CDK19: variants seen among roughly 807,000 people sequenced by gnomAD.
CDK19 encodes cyclin dependent kinase 19.
Under a neutral mutation model 68.3 loss-of-function variants are expected in CDK19, and 20 were observed. The ratio of observed to expected loss-of-function variants is 0.29; its 90% CI spans 0.21 to 0.43. CDK19 has a LOEUF of 0.43. CDK19 is among the 20% of genes least tolerant of loss of function. The pLI, the probability that CDK19 is intolerant of heterozygous loss-of-function variation, is 1.00. For missense variants in CDK19, 339 were observed against 623.5 expected (o/e 0.54, Z 4.86); for synonymous variants, 221 against 222.8 (o/e 0.99, Z 0.07).
At chr6:110,767,521 A>ATTTTTTG (rs1447188014) in intron 1 of CDK19, among the ~76,000 whole-genome samples, 1 of 145,710 alleles carries the variant, frequency 6.9e-6, no homozygotes, top group Non-Finnish European at 1.5e-5. Flanking sequence ...TGCCTGGCTA[A>ATTTTTTG]TTTTTTGTAT....
rs374879564 is a variant in CDK19 at position 110,783,936 on chromosome 6, G to A, written c.128+31073C>T. Reference sequence around the variant, plus strand: ...GCATTTTGGGAGGCCGAAGCAGGTGGATCACCTGAGGTCAGGAGTTCGAGA... The same window carrying A: ...GCATTTTGGGAGGCCGAAGCAGGTGAATCACCTGAGGTCAGGAGTTCGAGA... On this transcript the variant is annotated intron_variant, in intron 1 of 12. Coordinates refer to ENST00000368911, the MANE Select transcript of CDK19 (RefSeq NM_015076.5). 3.3e-5 allele frequency among the ~76,000 whole-genome samples: 5 copies of A among 152,026 alleles called. No individual in the cohort carries two copies. In the East Asian group the frequency reaches 7.7e-4, roughly 24 times the overall value.
At chr6:110,777,678 G>A (rs1780505629) in intron 1 of CDK19, among the ~76,000 whole-genome samples, 1 of 152,140 alleles carries the variant, frequency 6.6e-6, no homozygotes, top group South Asian at 2.1e-4. Flanking sequence ...GGGACTCAAG[G>A]AGATACTTCT....
At chr6:110,647,306 C>T (rs765362783) in intron 4 of CDK19, among the ~76,000 whole-genome samples, 7 of 147,310 alleles carry the variant, frequency 4.8e-5, no homozygotes, top group Non-Finnish European at 7.4e-5. Flanking sequence ...AACAGAAAGC[C>T]ATGATGTGTT....
chr6:110,662,943 T>C (rs1229705648), intron 4 of CDK19, among the ~76,000 whole-genome samples: 1 of 152,174 alleles, frequency 6.6e-6, no homozygotes, highest in East Asian at 1.9e-4. Context: ...TATTTCTGTA[T>C]TAAATTCTAG....
At chr6:110,806,255 G>A (rs568732686) in intron 1 of CDK19, among the ~76,000 whole-genome samples, 1 of 149,260 alleles carries the variant, frequency 6.7e-6, no homozygotes, top group Admixed American at 6.7e-5. Flanking sequence ...CAGGAGAATC[G>A]CTTAAACCCG....
chr6:110,688,984 A>C (rs1041701233), intron 2 of CDK19, among the ~76,000 whole-genome samples: 7 of 152,106 alleles, frequency 4.6e-5, no homozygotes, highest in Non-Finnish European at 7.4e-5. Context: ...GGCAGTTGCT[A>C]TCTCCAGGTA....
intron 2 of CDK19, among the ~76,000 whole-genome samples, chr6:110,672,989 C>T (rs1346880313): frequency 6.6e-6 from 1 of 151,762 alleles, no homozygotes; most frequent in Non-Finnish European, 1.5e-5. Context: ...TACTTAATCC[C>T]ACTACTTATA....
At chr6:110,772,917 A>G (rs2115000236) in intron 1 of CDK19, among the ~76,000 whole-genome samples, 1 of 151,318 alleles carries the variant, frequency 6.6e-6, no homozygotes, top group Middle Eastern at 3.4e-3. Flanking sequence ...AGAGAGACTC[A>G]TTAAGAAGGT....
intron 1 of CDK19, among the ~76,000 whole-genome samples, chr6:110,788,901 G>GATTA (rs1168723830): frequency 6.6e-6 from 1 of 152,122 alleles, no homozygotes; most frequent in African/African-American, 2.4e-5. Context: ...CTTCTGGCAT[G>GATTA]ATTAGTGGCA....
chr6:110,759,404 TAAAAAAAAAA>T (rs1157889434), intron 1 of CDK19, among the ~76,000 whole-genome samples: 1 of 57,216 alleles, frequency 1.7e-5, no homozygotes, highest in African/African-American at 7.6e-5. Flanking sequence ...GACTCCGTCT[TAAAAAAAAAA>T]AAAAAAAAAA....
intron 2 of CDK19, among the ~76,000 whole-genome samples, chr6:110,676,607 G>C (rs1771560876): frequency 6.6e-6 from 1 of 152,288 alleles, no homozygotes; most frequent in South Asian, 2.1e-4. Flanking sequence ...TCAGTTAGCA[G>C]CCATCAATAC....
chr6:110,800,481 A>G, intron 1 of CDK19, among the ~76,000 whole-genome samples: 1 of 152,192 alleles, frequency 6.6e-6, no homozygotes, highest in South Asian at 2.1e-4. Context: ...TGATACTAAA[A>G]TCTGGCAAAG....
chr6:110,685,012 C>T (rs572086595), intron 2 of CDK19, among the ~76,000 whole-genome samples: 2 of 152,248 alleles, frequency 1.3e-5, no homozygotes, highest in South Asian at 2.1e-4. Context: ...GTGGCTTGTG[C>T]CTGTAGTCCC....
chr6:110,692,863 G>A (rs953140297), intron 2 of CDK19, among the ~76,000 whole-genome samples: 2 of 152,124 alleles, frequency 1.3e-5, no homozygotes, highest in African/African-American at 2.4e-5. Context: ...CAGACATGTT[G>A]GTGGGCACCT....
chr6:110,726,631 C>CA (rs1297019577), intron 2 of CDK19, among the ~76,000 whole-genome samples: 3 of 151,990 alleles, frequency 2.0e-5, no homozygotes, highest in African/African-American at 7.2e-5. Flanking sequence ...TATCTGTTAA[C>CA]AAAAAAACTA....
chr6:110,620,925 T>C (rs894477565), intron 12 of CDK19, among the ~76,000 whole-genome samples, 179 bp downstream of exon 12: 10 of 152,208 alleles, frequency 6.6e-5, no homozygotes, highest in African/African-American at 2.4e-4. Flanking sequence ...CAAGTCAGAA[T>C]ACGAGATATC....
intron 1 of CDK19, among the ~76,000 whole-genome samples, chr6:110,778,344 AC>A (rs1451135441): frequency 6.6e-6 from 1 of 152,208 alleles, no homozygotes; most frequent in Non-Finnish European, 1.5e-5. Context: ...TTTCTTAAAA[AC>A]ATTAATTCTC....
At chr6:110,684,957 G>T (rs1772332358) in intron 2 of CDK19, among the ~76,000 whole-genome samples, 1 of 152,030 alleles carries the variant, frequency 6.6e-6, no homozygotes. Flanking sequence ...TGGCCAACAT[G>T]GCGAAACCCC....
rs1211665130 is a variant in CDK19, at chr6:110,646,100, C to A, written c.457-7394G>T. 11 of 873,002 alleles carry A rather than the reference C, an allele frequency of 1.3e-5. No homozygotes were observed. The Admixed American group carries it at 2.2e-4, about 18-fold the overall frequency. The allele number at this position is 873,002 out of a possible 1,614,324, so 54.1% of individuals were successfully genotyped here. ...TGCTGCAGTTTGTGGCTAAGCAAGG[C>A]ACCTCCTTCGAGGTGATTCTCATCT... On this transcript the variant is annotated intron_variant, in intron 4 of 12. Coordinates refer to ENST00000368911, the MANE Select transcript of CDK19 (RefSeq NM_015076.5).
Sources: gnomAD v4.1 joint callset for allele counts (sites outside exome capture counted in the v4.1 genomes callset) on GRCh38, gnomAD v4.1.1 for gene constraint, MANE v1.5 for transcripts, NCBI Gene and HGNC (gene_info 2026-07-23, HGNC 2026-07-21) for gene names.